The following PSMA1 variants were observed in gnomAD, a reference collection of about 807,000 sequenced individuals.
The protein encoded by PSMA1 is proteasome 20S subunit alpha 1, also known as proteasome subunit alpha type-1.
In PSMA1, 3 loss-of-function variants were observed where a neutral mutation model predicts 38.4. The observed-to-expected ratio is 0.08, with a 90% CI of 0.04 to 0.20. The LOEUF (loss-of-function observed/expected upper bound fraction) is 0.20, where lower values mean the gene tolerates loss of function less well. PSMA1 is among the 10% of genes least tolerant of loss of function. The pLI is 1.00. For synonymous variants in PSMA1, 101 were observed against 107.1 expected (o/e 0.94, Z 0.35); for missense variants, 227 against 325.3 (o/e 0.70, Z 2.32).
intron 1 of PSMA1, among the ~76,000 whole-genome samples, chr11:14,630,646 C>T (rs1311723538): frequency 2.6e-5 from 4 of 151,340 alleles, no homozygotes; most frequent in Admixed American, 6.6e-5. Flanking sequence ...TGTGTCTCTG[C>T]CTGGCTTTGG....
chr11:14,548,494 GTC>G (rs906952451), intron 2 of PSMA1, among the ~76,000 whole-genome samples: 10 of 152,098 alleles, frequency 6.6e-5, no homozygotes, highest in Admixed American at 1.3e-4. Context: ...ATACAGTAGT[GTC>G]TATATGTATA....
chr11:14,588,288 A>G (rs189644799), intron 2 of PSMA1, among the ~76,000 whole-genome samples: 128 of 152,336 alleles, frequency 8.4e-4, no homozygotes, highest in Non-Finnish European at 1.4e-3. Flanking sequence ...GGCTGAGGGA[A>G]TGGCATGAAC....
intron 2 of PSMA1, among the ~76,000 whole-genome samples, chr11:14,597,278 T>TCCCTCTTTTTCTATTGA (rs1565054250): frequency 6.6e-6 from 1 of 152,240 alleles, no homozygotes; most frequent in Non-Finnish European, 1.5e-5. Context: ...TAGGGAGGAT[T>TCCCTCTTTTTCTATTGA]CCCTCTTTTT....
intron 1 of PSMA1, among the ~76,000 whole-genome samples, chr11:14,616,898 T>C (rs562468565): frequency 4.2e-4 from 64 of 152,264 alleles, no homozygotes; most frequent in South Asian, 1.9e-3. Context: ...TCTTGAGAAA[T>C]AACACATTTA....
chr11:14,618,758 T>C (rs1852806257), intron 1 of PSMA1, among the ~76,000 whole-genome samples: 1 of 152,238 alleles, frequency 6.6e-6, no homozygotes, highest in Non-Finnish European at 1.5e-5. Flanking sequence ...TTTTTCAAAG[T>C]TTGATTCACA....
chr11:14,547,302 G>A (rs74475203), intron 2 of PSMA1, among the ~76,000 whole-genome samples: 8,978 of 152,248 alleles, frequency 0.059, 342 homozygotes, highest in African/African-American at 0.1. Context: ...CTGGAAATTA[G>A]AAGGTTAGAG....
chr11:14,537,961 G>C (rs989960884), intron 2 of PSMA1, among the ~76,000 whole-genome samples: 2 of 151,990 alleles, frequency 1.3e-5, no homozygotes, highest in African/African-American at 4.8e-5. Context: ...CGCCTGCCTC[G>C]GACTCCCAAA....
chr11:14,615,849 G>C (rs1590011683), intron 1 of PSMA1, among the ~76,000 whole-genome samples: 1 of 152,172 alleles, frequency 6.6e-6, no homozygotes. Flanking sequence ...TCCAGGGAAA[G>C]AATCATTGTG....
chr11:14,577,041 A>C (rs1243810383), intron 2 of PSMA1, among the ~76,000 whole-genome samples: 1 of 152,210 alleles, frequency 6.6e-6, no homozygotes, highest in African/African-American at 2.4e-5. Flanking sequence ...TCTTTGAAGC[A>C]ACTGTAAATG....
intron 1 of PSMA1, among the ~76,000 whole-genome samples, chr11:14,619,224 A>C (rs1457461886): frequency 6.6e-6 from 1 of 152,150 alleles, no homozygotes; most frequent in Non-Finnish European, 1.5e-5. Flanking sequence ...GGAGGCAAGC[A>C]GATTGCTTGA....
intron 4 of PSMA1, 24 bp from the exon 5 acceptor site, chr11:14,514,515 T>C (rs772480633): frequency 2.0e-6 from 3 of 1,492,790 alleles, no homozygotes; most frequent in Non-Finnish European, 2.7e-6. Flanking sequence ...AAAAAAAGTT[T>C]AGTAATTTCA....
At chr11:14,521,969 C>T (rs773273550), upstream of PSMA1, among the ~76,000 whole-genome samples, 2 of 152,212 alleles carry the variant, frequency 1.3e-5, no homozygotes, top group Admixed American at 1.3e-4. Context: ...TCTCCAGGAC[C>T]TAGCACAATG....
intron 2 of PSMA1, among the ~76,000 whole-genome samples, chr11:14,553,599 T>C (rs1458882360): frequency 6.6e-6 from 1 of 152,170 alleles, no homozygotes; most frequent in Non-Finnish European, 1.5e-5. Context: ...CTTTTTTTTT[T>C]CACTCAGCAT....
chr11:14,597,135 G>A (rs1309856215), intron 2 of PSMA1, among the ~76,000 whole-genome samples: 2 of 152,178 alleles, frequency 1.3e-5, no homozygotes, highest in African/African-American at 4.8e-5. Flanking sequence ...TGTGCTGCTG[G>A]ATTCGGTTTG....
chr11:14,591,860 G>T (rs977480827), intron 2 of PSMA1, among the ~76,000 whole-genome samples: 1 of 152,108 alleles, frequency 6.6e-6, no homozygotes. Context: ...GTGGCAACCC[G>T]CTCGGGTCCC....
chr11:14,580,156 T>G (rs758582563), intron 2 of PSMA1, among the ~76,000 whole-genome samples: 73 of 152,222 alleles, frequency 4.8e-4, no homozygotes, highest in Non-Finnish European at 8.8e-4. Context: ...TGGCTGTCTA[T>G]GAATAATGGA....
intron 1 of PSMA1, among the ~76,000 whole-genome samples, chr11:14,629,584 T>C (rs1225299678): frequency 1.3e-5 from 2 of 152,192 alleles, no homozygotes; most frequent in East Asian, 1.9e-4. Context: ...TGTAGTATAG[T>C]TTGAAGTCAG....
At chr11:14,558,558 C>A (rs1851968777) in intron 2 of PSMA1, among the ~76,000 whole-genome samples, 1 of 152,232 alleles carries the variant, frequency 6.6e-6, no homozygotes, top group Non-Finnish European at 1.5e-5. Flanking sequence ...AAGCTATTCC[C>A]TGAGGGAGAA....
intron 1 of PSMA1, among the ~76,000 whole-genome samples, chr11:14,638,262 CT>C (rs1395762423): frequency 1.3e-5 from 2 of 151,994 alleles, no homozygotes; most frequent in Non-Finnish European, 2.9e-5. Context: ...CTGTGCGCAG[CT>C]TAGTAACACA....
Sources: gnomAD v4.1 joint callset for allele counts (sites outside exome capture counted in the v4.1 genomes callset) on GRCh38, gnomAD v4.1.1 for gene constraint, MANE v1.5 for transcripts, NCBI Gene and HGNC (gene_info 2026-07-23, HGNC 2026-07-21) for gene names.